Variants in PHKB observed in about 807,000 individuals in gnomAD.
PHKB encodes the protein phosphorylase b kinase regulatory subunit beta.
PHKB carries 122 observed loss-of-function variants against 152.1 expected under a neutral mutation model. The observed-to-expected ratio is 0.80, with a 90% CI of 0.69 to 0.93. The LOEUF is 0.93. PHKB is among the 40% of genes least tolerant of loss of function. The pLI, the probability that PHKB is intolerant of heterozygous loss-of-function variation, is 0.00. For synonymous variants in PHKB, 436 were observed against 464.9 expected (o/e 0.94, Z 0.80); for missense variants, 1,304 against 1,328.4 (o/e 0.98, Z 0.29).
At chr16:47,480,673 A>C (rs959355293) in intron 1 of PHKB, among the ~76,000 whole-genome samples, 3 of 152,196 alleles carry the variant, frequency 2.0e-5, no homozygotes, top group African/African-American at 7.2e-5. Context: ...TTCAATATCC[A>C]TTGTCATAAC....
chr16:47,540,702 C>A (rs1306735028), intron 6 of PHKB, among the ~76,000 whole-genome samples: 1 of 151,788 alleles, frequency 6.6e-6, no homozygotes, highest in Non-Finnish European at 1.5e-5. Context: ...GGGACAGGTT[C>A]CCCCGAGAAA....
intron 7 of PHKB, among the ~76,000 whole-genome samples, chr16:47,574,463 T>G (rs1251096331): frequency 6.6e-6 from 1 of 152,228 alleles, no homozygotes. Flanking sequence ...GGATAAAAGT[T>G]TACAGCATAA....
chr16:47,669,494 A>G, intron 26 of PHKB, 77 bp downstream of exon 26: 1 of 1,292,660 alleles, frequency 7.7e-7, no homozygotes, highest in Non-Finnish European at 1.1e-6. Flanking sequence ...CTCCAAGTGA[A>G]GCAATGTTCC....
At chr16:47,676,991 G>C (rs1166813599) in intron 26 of PHKB, among the ~76,000 whole-genome samples, 2 of 152,202 alleles carry the variant, frequency 1.3e-5, no homozygotes, top group Admixed American at 6.5e-5. Flanking sequence ...GACGTACCTT[G>C]TCCTCTGATG....
intron 10 of PHKB, among the ~76,000 whole-genome samples, chr16:47,592,926 G>A (rs933882790): frequency 2.0e-5 from 3 of 151,960 alleles, no homozygotes; most frequent in African/African-American, 7.3e-5. Context: ...TTGACATATC[G>A]CCTAACTATA....
At chr16:47,479,335 G>A (rs1477772331) in intron 1 of PHKB, among the ~76,000 whole-genome samples, 1 of 152,136 alleles carries the variant, frequency 6.6e-6, no homozygotes, top group African/African-American at 2.4e-5. Flanking sequence ...GTTGGTTCAT[G>A]ATCTTACTTT....
intron 26 of PHKB, among the ~76,000 whole-genome samples, chr16:47,672,526 A>G (rs1318392541): frequency 6.6e-6 from 1 of 152,154 alleles, no homozygotes; most frequent in South Asian, 2.1e-4. Flanking sequence ...ATTCTTTGAA[A>G]TAAGTGTAAT....
At position 47,641,140 on chromosome 16, in the gene PHKB, G is replaced by T. The variant is rs934202986; in HGVS notation, c.1514+50G>T. 2.2e-6 allele frequency: 3 copies of T among 1,359,376 alleles called. No individual in the cohort carries two copies. The African/African-American group carries it at 4.3e-5, about 19-fold the overall frequency. The allele number at this position is 1,359,376 out of a possible 1,614,324, so 84.2% of individuals were successfully genotyped here. A position where few individuals can be genotyped will look rare whatever the true frequency, so the allele number is the denominator to read the frequency against. ...GTTTTTTTGTGGGGAGGGGAGGGGAGGGGAAATGATTGCTTTATGTTTACA... is the reference window on the plus strand; with the variant it reads ...GTTTTTTTGTGGGGAGGGGAGGGGATGGGAAATGATTGCTTTATGTTTACA... On this transcript the variant is annotated intron_variant, in intron 15 of 30. Coordinates refer to ENST00000323584, the MANE Select transcript of PHKB (RefSeq NM_000293.3).
intron 26 of PHKB, among the ~76,000 whole-genome samples, chr16:47,670,921 A>T (rs772347635): frequency 1.3e-5 from 2 of 152,186 alleles, no homozygotes; most frequent in African/African-American, 4.8e-5. Flanking sequence ...GGAGACTAGT[A>T]TAATACAGAC....
chr16:47,539,673 G>A (rs953280250), intron 6 of PHKB, among the ~76,000 whole-genome samples: 18 of 152,214 alleles, frequency 1.2e-4, no homozygotes, highest in Admixed American at 1.2e-3. Flanking sequence ...CAGGAAGTCA[G>A]GGACCCCGAA....
At chr16:47,561,683 G>T (rs1166937822) in intron 7 of PHKB, 1 of 152,126 alleles carries the variant, frequency 6.6e-6, no homozygotes, top group Non-Finnish European at 1.5e-5. Context: ...TTGGCAGCTG[G>T]TCTAAAAGCC....
intron 6 of PHKB, among the ~76,000 whole-genome samples, chr16:47,542,782 C>G (rs975892159): frequency 6.6e-6 from 1 of 152,116 alleles, no homozygotes. Flanking sequence ...GGAGTTTGCT[C>G]ATGATTTGGC....
chr16:47,646,750 T>A (rs1183984596), intron 16 of PHKB, among the ~76,000 whole-genome samples: 4 of 152,028 alleles, frequency 2.6e-5, no homozygotes, highest in Non-Finnish European at 5.9e-5. Flanking sequence ...GTACATTATT[T>A]CTAGAGGGTG....
chr16:47,632,769 G>A (rs1339705391), intron 14 of PHKB, among the ~76,000 whole-genome samples: 1 of 152,160 alleles, frequency 6.6e-6, no homozygotes, highest in East Asian at 1.9e-4. Context: ...AGTTTTCTCT[G>A]TGTGCCCTTT....
rs543597341 is a variant in PHKB, at chr16:47,507,957, G to C, written c.406-3708G>C. 1.2e-4 allele frequency among the ~76,000 whole-genome samples: 19 copies of C among 152,246 alleles called. No homozygotes were observed. In the South Asian group the frequency reaches 3.5e-3, roughly 28 times the overall value. ...TGAAATGTGAAATATTTCTGTGTTG[G>C]TCTTCCCTTGAAACTGAAGCAAAGC... On this transcript the variant is annotated intron_variant, in intron 4 of 30. Coordinates refer to ENST00000323584, the MANE Select transcript of PHKB (RefSeq NM_000293.3).
intron 6 of PHKB, among the ~76,000 whole-genome samples, chr16:47,533,272 T>C (rs1309028541): frequency 1.3e-5 from 2 of 152,150 alleles, no homozygotes; most frequent in African/African-American, 2.4e-5. Context: ...AGGAAGTGCA[T>C]GCCCATTGGT....
intron 7 of PHKB, among the ~76,000 whole-genome samples, chr16:47,575,333 A>G (rs943651276): frequency 1.3e-5 from 2 of 152,234 alleles, no homozygotes; most frequent in Non-Finnish European, 2.9e-5. Context: ...CTTTCAATCC[A>G]GTAATCCCAC....
At chr16:47,610,991 T>G (rs1972417682) in intron 14 of PHKB, 71 bp downstream of exon 14, 1 of 926,536 alleles carries the variant, frequency 1.1e-6, no homozygotes, top group South Asian at 1.3e-5. Flanking sequence ...GAGGAAATTT[T>G]TGTTCTGAAT....
Position 47,658,809 on chromosome 16 carries a change from A to AGTGTGTGTGTGT in PHKB, c.1972-1666_1972-1655dup, listed in dbSNP as rs36066227. 7.7e-3 allele frequency among the ~76,000 whole-genome samples: 1,080 copies of AGTGTGTGTGTGT among 140,798 alleles called. 5 individuals carry two copies. The highest frequency in any genetic ancestry group is 0.017 in the African/African-American group (651 of 37,954). 92.4% of individuals were successfully genotyped at this position (140,798 alleles called of 152,430 possible). On this transcript the variant is annotated intron_variant, in intron 20 of 30. Transcript: ENST00000323584. The stretch of plus-strand genomic sequence containing the variant: ...TCTTGGTCATTAAGCAATGCATGAC[A>AGTGTGTGTGTGT]GTGTGTGTGTGTGTGTGTGTGTGTG...
Sources: gnomAD v4.1 joint callset for allele counts (sites outside exome capture counted in the v4.1 genomes callset) on GRCh38, gnomAD v4.1.1 for gene constraint, MANE v1.5 for transcripts, NCBI Gene and HGNC (gene_info 2026-07-23, HGNC 2026-07-21) for gene names.